GJB4: variants seen among roughly 807,000 people sequenced by gnomAD.
GJB4 encodes the protein gap junction protein beta 4, also known as gap junction beta-4 protein.
For synonymous variants in GJB4, 162 were observed against 158.1 expected (o/e 1.02, Z -0.18); for missense variants, 371 against 363.8 (o/e 1.02, Z -0.16).
chr1:34,760,602 C>T (rs1557651826), intron 1 of GJB4, among the ~76,000 whole-genome samples: 1 of 152,134 alleles, frequency 6.6e-6, no homozygotes, highest in Non-Finnish European at 1.5e-5. Context: ...GGAGGGAATG[C>T]CAGGGCTGAG....
chr1:34,760,576 A>C (rs190167815), intron 1 of GJB4, among the ~76,000 whole-genome samples: 17 of 152,038 alleles, frequency 1.1e-4, no homozygotes, highest in Non-Finnish European at 2.4e-4. Context: ...ATTCCAAAGC[A>C]CCTCTGTTTA....
chr1:34,760,392 G>A (rs1639689089), intron 1 of GJB4, among the ~76,000 whole-genome samples: 2 of 152,126 alleles, frequency 1.3e-5, no homozygotes, highest in South Asian at 2.1e-4. Flanking sequence ...ACAGAGGAGG[G>A]GGTGCCCCCA....
rs774534707 is a variant in GJB4 at position 34,761,907 on chromosome 1, G to A, written c.653G>A (p.Gly218Asp). ...LVGKRCMEIF[G>D]PRHRRPRCRE... ...GGCAAGAGGTGCATGGAGATCTTCG[G>A]CCCCAGGCACCGGCGGCCTCGGTGC... is the stretch of plus-strand genomic sequence containing the variant. Residue 218 changes from glycine to aspartate, a missense_variant, in exon 2 of 2, where the codon GGC becomes GAC. Coordinates refer to ENST00000339480, the MANE Select transcript of GJB4 (RefSeq NM_153212.3). The surrounding 1 kb of genome is among the most constrained non-coding windows in gnomAD (Gnocchi z 4.4). The A allele has an allele frequency of 1.7e-5, 27 of 1,614,038 alleles. 1 individual carries two copies. In the African/African-American group the frequency reaches 2.9e-4, roughly 18 times the overall value.
chr1:34,761,841 T>C lies in GJB4; in HGVS notation c.587T>C (p.Ile196Thr), dbSNP rs1639726128. The C allele has an allele frequency of 1.2e-6, 2 of 1,614,066 alleles. No homozygotes were observed. Among genetic ancestry groups the C allele is most frequent in the Admixed American group, 3.3e-5 (2 of 60,004 alleles). ...FTYFMVTTAA[I>T]CILLNLSEVF... ...TACTTCATGGTGACCACAGCTGCCA[T>C]CTGCATCCTGCTCAACCTCAGTGAA... Residue 196 changes from isoleucine (I) to threonine (T), a missense_variant, in exon 2 of 2, where the codon ATC (isoleucine) becomes ACC (threonine). Coordinates refer to ENST00000339480, the MANE Select transcript of GJB4 (RefSeq NM_153212.3). This position sits in a 1 kb window ranked among gnomAD's most constrained non-coding sequence, Gnocchi z 4.4.
intron 1 of GJB4, 64 bp from the exon 2 acceptor site, chr1:34,760,868 TA>T: frequency 3.0e-6 from 1 of 330,750 alleles, no homozygotes; most frequent in Non-Finnish European, 5.9e-6. Context: ...AAACTTGGGG[TA>T]ATAGAGGTTG....
chr1:34,761,086 G>A lies in GJB4; in HGVS notation c.-169G>A, dbSNP rs1226573741. 2.9e-6 allele frequency: 2 copies of A among 686,806 alleles called. No homozygotes were observed. The highest frequency in any genetic ancestry group is 5.2e-6 in the Non-Finnish European group (2 of 381,330). 42.5% of individuals were successfully genotyped at this position (686,806 alleles called of 1,614,324 possible). On this transcript the variant is annotated 5_prime_UTR_variant, in exon 2 of 2. It introduces an in-frame stop codon into an upstream open reading frame of the 5' UTR. Coordinates refer to ENST00000339480, the MANE Select transcript of GJB4 (RefSeq NM_153212.3). The surrounding 1 kb of genome is among the most constrained non-coding windows in gnomAD (Gnocchi z 4.4). ...CAATCCCTACCCTACCAAGTCATTG[G>A]GAGTGAAGACATGATGACACGGTGA...
intron 1 of GJB4, 56 bp downstream of exon 1, chr1:34,759,844 AG>A (rs1639677290): frequency 6.6e-6 from 1 of 152,610 alleles, no homozygotes; most frequent in South Asian, 2.1e-4. Context: ...AGCTGAGCTG[AG>A]GATATCCAAG....
chr1:34,762,286 C>T lies in GJB4; in HGVS notation c.*231C>T, dbSNP rs548148496. On this transcript the variant is annotated 3_prime_UTR_variant, in exon 2 of 2. Coordinates refer to ENST00000339480, the MANE Select transcript of GJB4 (RefSeq NM_153212.3). ...CTACTGGGGATTTTGTATATGGCAA[C>T]AGTATATGTCAAACCTCTTAATAAA... 51 of 609,040 alleles carry T rather than the reference C, an allele frequency of 8.4e-5. 3 individuals carry two copies. The South Asian group carries it at 9.9e-4, about 12-fold the overall frequency. 37.7% of individuals were successfully genotyped at this position (609,040 alleles called of 1,614,324 possible).
At chr1:34,760,333 G>A (rs534432515) in intron 1 of GJB4, among the ~76,000 whole-genome samples, 2 of 152,210 alleles carry the variant, frequency 1.3e-5, no homozygotes, top group South Asian at 4.2e-4. Context: ...CAGGAGAGGG[G>A]CCTGAGAGGA....
Position 34,762,143 on chromosome 1 carries a change from A to T in GJB4, c.*88A>T. The T allele has an allele frequency of 7.5e-7, 1 of 1,326,378 alleles. No homozygotes were observed. Among genetic ancestry groups the T allele is most frequent in the East Asian group, 2.5e-5 (1 of 39,858 alleles). The allele number at this position is 1,326,378 out of a possible 1,614,324, so 82.2% of individuals were successfully genotyped here. On this transcript the variant is annotated 3_prime_UTR_variant, in exon 2 of 2. Transcript: ENST00000339480. ...GCAGGGGCAGTGGCATCCTTGCCGT[A>T]GCAGGGTGGTGAGGAGGGTGGCTGT... is the stretch of plus-strand genomic sequence containing the variant.
rs980447753 is a variant in GJB4 at position 34,761,982 on chromosome 1, G to A, written c.728G>A (p.Gly243Glu). 6.2e-7 allele frequency: 1 copy of A among 1,614,172 alleles called. No individual in the cohort carries two copies. The change falls in exon 2 of 2, where the codon GGG (glycine) becomes GAG (glutamate). Residue 243 changes from glycine (G) to glutamate (E), a missense_variant. By Grantham distance (98) the Gly-to-Glu change is moderately conservative. Coordinates refer to ENST00000339480, the MANE Select transcript of GJB4 (RefSeq NM_153212.3). The surrounding 1 kb of genome is among the most constrained non-coding windows in gnomAD (Gnocchi z 4.4). The stretch of plus-strand genomic sequence containing the variant: ...CCACCATATGTCCTCTCCCAGGGAG[G>A]GCACCCTGAGGATGGGAACTCTGTC... ...TCPPYVLSQGGHPEDGNSVLM... is the reference protein window; with the variant it reads ...TCPPYVLSQGEHPEDGNSVLM...
Position 34,762,246 on chromosome 1 carries a change from G to A in GJB4, c.*191G>A, listed in dbSNP as rs1639739388. On this transcript the variant is annotated 3_prime_UTR_variant, in exon 2 of 2. Transcript: ENST00000339480. ...GGTCCCTGGGTCCTGAGCCTCAGGG[G>A]AGGGAGGTTGATAGCTACTGGGGAT... 3.1e-6 allele frequency: 2 copies of A among 650,182 alleles called. No individual in the cohort carries two copies. Among genetic ancestry groups the A allele is most frequent in the Non-Finnish European group, 5.6e-6 (2 of 355,120 alleles). The allele number at this position is 650,182 out of a possible 1,614,324, so 40.3% of individuals were successfully genotyped here. A position where few individuals can be genotyped will look rare whatever the true frequency, so the allele number is the denominator to read the frequency against.
chr1:34,761,204 G>T lies in GJB4; in HGVS notation c.-51G>T, dbSNP rs1390304040. On this transcript the variant is annotated 5_prime_UTR_variant, in exon 2 of 2. Coordinates refer to ENST00000339480, the MANE Select transcript of GJB4 (RefSeq NM_153212.3). The surrounding 1 kb of genome is among the most constrained non-coding windows in gnomAD (Gnocchi z 4.4). Reference sequence around the variant, plus strand: ...AGGCTCCCAAGGCCTGAGTGGGCAGGTAGCACCCAGGTATAGACCTTCCAC... The same window carrying T: ...AGGCTCCCAAGGCCTGAGTGGGCAGTTAGCACCCAGGTATAGACCTTCCAC... 1.3e-6 allele frequency: 2 copies of T among 1,595,454 alleles called. No individual in the cohort carries two copies. Among genetic ancestry groups the T allele is most frequent in the African/African-American group, 1.3e-5 (1 of 74,570 alleles).
rs190460237 is a variant in GJB4, at chr1:34,761,610, A to C, written c.356A>C (p.Asn119Thr). 11 of 1,614,224 alleles carry C rather than the reference A, an allele frequency of 6.8e-6. No homozygotes were observed. The African/African-American group carries it at 1.5e-4, about 22-fold the overall frequency. ...CCCAATGCCCCGTCCCTGTACGACA[A>C]CCTGAGCAAGAAGCGGGGCGGACTG... Reference protein sequence around the residue: ...HGPNAPSLYDNLSKKRGGLWW... With the variant: ...HGPNAPSLYDTLSKKRGGLWW... The change falls in exon 2 of 2, where the codon AAC becomes ACC. Residue 119 changes from asparagine to threonine, a missense_variant. Transcript: ENST00000339480. This position sits in a 1 kb window ranked among gnomAD's most constrained non-coding sequence, Gnocchi z 4.4.
Position 34,761,542 on chromosome 1 carries a change from C to G in GJB4, c.288C>G (p.Ala96=), listed in dbSNP as rs375850517. Residue 96 remains alanine (A), a synonymous_variant, in exon 2 of 2, where the codon GCC becomes GCG. Coordinates refer to ENST00000339480, the MANE Select transcript of GJB4 (RefSeq NM_153212.3). The surrounding 1 kb of genome is among the most constrained non-coding windows in gnomAD (Gnocchi z 4.4). ...CPSLLVVMHV[A]YREERERKHH... is the part of the protein sequence containing the mutation. The stretch of plus-strand genomic sequence containing the variant: ...CACTGCTCGTGGTCATGCACGTGGC[C>G]TACCGCGAGGAACGCGAGCGCAAGC... 2 of 1,614,204 alleles carry G rather than the reference C, an allele frequency of 1.2e-6. No individual in the cohort carries two copies. The highest frequency in any genetic ancestry group is 4.5e-5 in the East Asian group (2 of 44,880).
intron 1 of GJB4, among the ~76,000 whole-genome samples, chr1:34,760,136 G>A (rs1465251840): frequency 6.6e-6 from 1 of 152,170 alleles, no homozygotes; most frequent in Admixed American, 6.5e-5. Context: ...AATAAGACAG[G>A]TAAATAGACC....
In GJB4 at chr1:34,761,556, G is replaced by C. The variant is rs375702737; in HGVS notation, c.302G>C (p.Arg101Pro). ...VVMHVAYREE[R>P]ERKHHLKHGP... The stretch of plus-strand genomic sequence containing the variant: ...ATGCACGTGGCCTACCGCGAGGAAC[G>C]CGAGCGCAAGCACCACCTGAAACAC... The change falls in exon 2 of 2, where the codon CGC becomes CCC. Residue 101 changes from arginine (R) to proline (P), a missense_variant. Coordinates refer to ENST00000339480, the MANE Select transcript of GJB4 (RefSeq NM_153212.3). This position sits in a 1 kb window ranked among gnomAD's most constrained non-coding sequence, Gnocchi z 4.4. 6.2e-7 allele frequency: 1 copy of C among 1,614,084 alleles called. No individual in the cohort carries two copies. Among genetic ancestry groups the C allele is most frequent in the Admixed American group, 1.7e-5 (1 of 60,016 alleles).
Position 34,762,084 on chromosome 1 carries a change from G to C in GJB4, c.*29G>C, listed in dbSNP as rs1323784085. The C allele has an allele frequency of 1.3e-6, 2 of 1,583,424 alleles. No homozygotes were observed. On this transcript the variant is annotated 3_prime_UTR_variant, in exon 2 of 2. Coordinates refer to ENST00000339480, the MANE Select transcript of GJB4 (RefSeq NM_153212.3). ...GCGAGATCAGCAGATAAGATCAACA[G>C]GTCCCCCCCACATGAGGCCACCCAG...
Position 34,761,226 on chromosome 1 carries a change from C to T in GJB4, c.-29C>T. 1 of 1,613,012 alleles carries T rather than the reference C, an allele frequency of 6.2e-7. No homozygotes were observed. The highest frequency in any genetic ancestry group is 8.5e-7 in the Non-Finnish European group (1 of 1,179,366). Reference sequence around the variant, plus strand: ...CAGGTAGCACCCAGGTATAGACCTTCCACGTGCAGCACCCAGGACACAGCC... The same window carrying T: ...CAGGTAGCACCCAGGTATAGACCTTTCACGTGCAGCACCCAGGACACAGCC... On this transcript the variant is annotated 5_prime_UTR_variant, in exon 2 of 2. Transcript: ENST00000339480. The surrounding 1 kb of genome is among the most constrained non-coding windows in gnomAD (Gnocchi z 4.4).
Sources: gnomAD v4.1 joint callset for allele counts (sites outside exome capture counted in the v4.1 genomes callset) on GRCh38, gnomAD v4.1.1 for gene constraint, Gnocchi (gnomAD v3.1) non-coding constraint, MANE v1.5 for transcripts, NCBI Gene and HGNC (gene_info 2026-07-23, HGNC 2026-07-21) for gene names.